The following S100A5 variants were observed in gnomAD, a reference collection of about 807,000 sequenced individuals.
S100A5 encodes the protein S100 calcium binding protein A5.
Under a neutral mutation model 6.7 loss-of-function variants are expected in S100A5, and 5 were observed. That is an observed-to-expected ratio of 0.75 (90% CI 0.39 to 1.57). The LOEUF (loss-of-function observed/expected upper bound fraction) is 1.57. S100A5 is among the 40% of genes most tolerant of loss of function. The probability of loss-of-function intolerance (pLI) is 0.03; values close to 1 mark genes in which losing one functional copy is unlikely to be tolerated. For synonymous variants in S100A5, 49 were observed against 44.9 expected (o/e 1.09, Z -0.37); for missense variants, 129 against 110.8 (o/e 1.16, Z -0.74).
chr1:153,541,497 C>G (rs1665387036), upstream of S100A5: 15 of 1,360,622 alleles, frequency 1.1e-5, no homozygotes, highest in Non-Finnish European at 1.5e-5. Flanking sequence ...AGAGAAAGGG[C>G]CCATGAGAAG....
At position 153,537,380 on chromosome 1, in the gene S100A5, C is replaced by T; in HGVS notation, c.195G>A (p.Gln65=). 3 of 1,614,202 alleles carry T rather than the reference C, an allele frequency of 1.9e-6. No homozygotes were observed. ...LMKSLDKNSD[Q]EIDFKEYSVF... ...CCGAGTACTCCTTGAAGTCGATCTC[C>T]TGGTCGCTGTTCTTGTCCAGGCTCT... is the stretch of plus-strand genomic sequence containing the variant. The change falls in exon 3 of 3, where the codon CAG becomes CAA. Residue 65 remains glutamine, a synonymous_variant. Coordinates refer to ENST00000368717, the MANE Select transcript of S100A5 (RefSeq NM_001394232.1).
At position 153,537,199 on chromosome 1, in the gene S100A5, G is replaced by T. The variant is rs879331612; in HGVS notation, c.*97C>A. On this transcript the variant is annotated 3_prime_UTR_variant, in exon 3 of 3. Coordinates refer to ENST00000368717, the MANE Select transcript of S100A5 (RefSeq NM_001394232.1). The stretch of plus-strand genomic sequence containing the variant: ...TTCCTCCCATGGAAGGGTCCATCTG[G>T]GAGGGAGAGGAGGGCAGGGGGCCAA... 27 of 1,366,418 alleles carry T rather than the reference G, an allele frequency of 2.0e-5. No individual in the cohort carries two copies. In the Admixed American group the frequency reaches 2.9e-4, roughly 14 times the overall value. The allele number at this position is 1,366,418 out of a possible 1,614,324, so 84.6% of individuals were successfully genotyped here.
chr1:153,541,391 G>A (rs1432729413), upstream of S100A5: 6 of 1,367,514 alleles, frequency 4.4e-6, no homozygotes, highest in South Asian at 6.8e-5. Flanking sequence ...TTACCACTGT[G>A]GGAGTGAGCC....
chr1:153,543,079 A>G (rs1420850509), upstream of S100A5, among the ~76,000 whole-genome samples: 1 of 152,140 alleles, frequency 6.6e-6, no homozygotes. Flanking sequence ...GGAAAGGATT[A>G]ATCCATCCCT....
At chr1:153,537,979 G>A (rs1027337786) in intron 2 of S100A5, among the ~76,000 whole-genome samples, 23 of 151,978 alleles carry the variant, frequency 1.5e-4, no homozygotes, top group African/African-American at 1.5e-4. Flanking sequence ...CTTGAGAAGC[G>A]GAGGTTGCAG....
At chr1:153,538,615 G>A (rs184505104) in intron 2 of S100A5, among the ~76,000 whole-genome samples, 103 of 152,288 alleles carry the variant, frequency 6.8e-4, no homozygotes, top group Admixed American at 2.2e-3. Context: ...GCCCATACCT[G>A]CTTCTGTCCC....
At chr1:153,537,903 C>T (rs1484566237) in intron 2 of S100A5, among the ~76,000 whole-genome samples, 3 of 152,102 alleles carry the variant, frequency 2.0e-5, no homozygotes, top group African/African-American at 7.2e-5. Flanking sequence ...CAAAATTAGC[C>T]AGGCATGGTG....
Position 153,537,198 on chromosome 1 carries a change from G to A in S100A5, c.*98C>T. On this transcript the variant is annotated 3_prime_UTR_variant, in exon 3 of 3. Transcript: ENST00000368717. The stretch of plus-strand genomic sequence containing the variant: ...TTTCCTCCCATGGAAGGGTCCATCT[G>A]GGAGGGAGAGGAGGGCAGGGGGCCA... 7.3e-7 allele frequency: 1 copy of A among 1,364,604 alleles called. No individual in the cohort carries two copies. The highest frequency in any genetic ancestry group is 1.3e-5 in the South Asian group (1 of 77,482). 84.5% of individuals were successfully genotyped at this position (1,364,604 alleles called of 1,614,324 possible).
At chr1:153,541,649 C>A (rs988714906), upstream of S100A5, 11 of 1,158,362 alleles carry the variant, frequency 9.5e-6, no homozygotes, top group Non-Finnish European at 1.1e-5. Flanking sequence ...GTCCCCAATC[C>A]CAGAAACTTT....
At chr1:153,538,023 G>T (rs1345885151) in intron 2 of S100A5, among the ~76,000 whole-genome samples, 1 of 151,548 alleles carries the variant, frequency 6.6e-6, no homozygotes, top group Non-Finnish European at 1.5e-5. Flanking sequence ...TCCAGCCTGG[G>T]CAACAAGAAT....
chr1:153,541,504 G>A (rs974570192), upstream of S100A5: 66 of 1,357,088 alleles, frequency 4.9e-5, no homozygotes, highest in South Asian at 2.3e-5. Context: ...GGGCCCATGA[G>A]AAGTTGTTGG....
chr1:153,541,815 G>C (rs1465077565), upstream of S100A5: 1 of 1,046,634 alleles, frequency 9.6e-7, no homozygotes, highest in African/African-American at 1.7e-5. Flanking sequence ...TCCACATCGG[G>C]CCCCTCCCAC....
chr1:153,542,517 G>A (rs1161597603), upstream of S100A5, among the ~76,000 whole-genome samples: 2 of 152,282 alleles, frequency 1.3e-5, no homozygotes, highest in African/African-American at 4.8e-5. Flanking sequence ...AACCCTGCGG[G>A]AACATCTGAG....
chr1:153,543,407 G>C (rs967580874), upstream of S100A5: 1 of 454,926 alleles, frequency 2.2e-6, no homozygotes, highest in Non-Finnish European at 2.9e-6. Context: ...TGGCAGGGGG[G>C]TGGTGAGGGG....
chr1:153,539,404 G>C (rs1358381950), intron 2 of S100A5, among the ~76,000 whole-genome samples: 1 of 125,118 alleles, frequency 8.0e-6, no homozygotes, highest in African/African-American at 3.2e-5. Flanking sequence ...TCCAGCCTGG[G>C]TGACAGAGCG....
chr1:153,539,999 C>A (rs1156660230), intron 2 of S100A5, 55 bp downstream of exon 2: 45 of 1,595,656 alleles, frequency 2.8e-5, no homozygotes, highest in Admixed American at 5.0e-5. Context: ...AGGTATGTGT[C>A]CCCCAGAGGG....
At chr1:153,537,487 C>T in intron 2 of S100A5, 51 bp from the exon 3 acceptor site, 3 of 1,604,282 alleles carry the variant, frequency 1.9e-6, no homozygotes, top group Non-Finnish European at 1.7e-6. Flanking sequence ...CCCAGCCCTG[C>T]CCTCGCACCA....
chr1:153,539,981 C>T (rs984542871), intron 2 of S100A5, 73 bp downstream of exon 2: 1 of 1,568,490 alleles, frequency 6.4e-7, no homozygotes, highest in Non-Finnish European at 8.7e-7. Context: ...CTGGAGGATC[C>T]TGAGGGTAGG....
upstream of S100A5, among the ~76,000 whole-genome samples, chr1:153,542,586 G>A (rs1041762511): frequency 2.0e-5 from 3 of 152,152 alleles, no homozygotes; most frequent in African/African-American, 7.2e-5. Flanking sequence ...AGAGGAAAGA[G>A]GACCCTCAAG....
Sources: allele counts gnomAD v4.1 joint callset (sites outside exome capture counted in the v4.1 genomes callset), GRCh38; gene constraint gnomAD v4.1.1; transcripts MANE v1.5; gene names NCBI Gene and HGNC (gene_info 2026-07-23, HGNC 2026-07-21).